BBS1: variants seen among roughly 807,000 people sequenced by gnomAD.
BBS1 encodes Bardet-Biedl syndrome 1.
BBS1 carries 60 observed loss-of-function variants against 73.9 expected under a neutral mutation model. That is an observed-to-expected ratio of 0.81 (90% confidence interval 0.66 to 1.01). The LOEUF (loss-of-function observed/expected upper bound fraction) is 1.01. Ranked by LOEUF, BBS1 falls within the 50% of genes least tolerant of loss-of-function variation. The pLI, the probability that BBS1 is intolerant of heterozygous loss-of-function variation, is 0.00. For missense variants in BBS1, 718 were observed against 770.3 expected (o/e 0.93, Z 0.80); for synonymous variants, 283 against 317.4 (o/e 0.89, Z 1.15).
rs1321287871 is a variant in BBS1 at position 66,532,949 on chromosome 11, G to C, written c.*912G>C. ...CTTCTACATCCTGGAGCCCAAATCAGTCATGTGGGTGGGAAGTTCCCAGGG... is the reference window on the plus strand; with the variant it reads ...CTTCTACATCCTGGAGCCCAAATCACTCATGTGGGTGGGAAGTTCCCAGGG... On this transcript the variant is annotated 3_prime_UTR_variant, in exon 17 of 17. Transcript: ENST00000318312. The C allele has an allele frequency of 6.6e-6, 1 of 152,254 alleles. No individual in the cohort carries two copies. The highest frequency in any genetic ancestry group is 1.5e-5 in the Non-Finnish European group (1 of 68,054). 9.4% of individuals were successfully genotyped at this position (152,254 alleles called of 1,614,324 possible). A position where few individuals can be genotyped will look rare whatever the true frequency, so the allele number is the denominator to read the frequency against.
chr11:66,526,742 T>G lies in BBS1; in HGVS notation c.1274T>G (p.Leu425Arg), dbSNP rs1856521119. The change falls in exon 13 of 17, where the codon CTC becomes CGC. Residue 425 changes from leucine to arginine, a missense_variant. Physicochemically the swap from Leu to Arg is moderately radical, Grantham distance 102. Coordinates refer to ENST00000318312, the MANE Select transcript of BBS1 (RefSeq NM_024649.5). ...VGPPPAQAMK[L>R]NVPRKTRLYV... is the part of the protein sequence containing the mutation. ...CCCCCACCAGCCCAGGCCATGAAAC[T>G]CAATGTGCCCCGAAAGACCCGGCTT... is the stretch of plus-strand genomic sequence containing the variant. 3 of 1,614,038 alleles carry G rather than the reference T, an allele frequency of 1.9e-6. No homozygotes were observed. The highest frequency in any genetic ancestry group is 2.5e-6 in the Non-Finnish European group (3 of 1,180,024).
chr11:66,526,946 C>G, intron 13 of BBS1, 139 bp downstream of exon 13: 1 of 1,581,784 alleles, frequency 6.3e-7, no homozygotes, highest in Non-Finnish European at 8.6e-7. Flanking sequence ...CTCTGCAAAT[C>G]CAGGGACAGC....
chr11:66,529,751 G>GC, intron 13 of BBS1, 68 bp from the exon 14 acceptor site: 1 of 1,584,478 alleles, frequency 6.3e-7, no homozygotes, highest in Non-Finnish European at 8.6e-7. Context: ...GAGCAGGAGT[G>GC]CCCCGTTGCT....
At position 66,521,258 on chromosome 11, in the gene BBS1, T is replaced by G. The variant is rs1011920863; in HGVS notation, c.724-12T>G. On this transcript the variant is annotated splice_polypyrimidine_tract_variant and intron_variant, in intron 8 of 16. Coordinates refer to ENST00000318312, the MANE Select transcript of BBS1 (RefSeq NM_024649.5). ...CCAGAGAAATTGGAGTGTTTGCGCTTCTTGTTTGCAGATGAGCCTTCCCAG... is the reference window on the plus strand; with the variant it reads ...CCAGAGAAATTGGAGTGTTTGCGCTGCTTGTTTGCAGATGAGCCTTCCCAG... 6.2e-7 allele frequency: 1 copy of G among 1,610,078 alleles called. No individual in the cohort carries two copies. Among genetic ancestry groups the G allele is most frequent in the East Asian group, 2.2e-5 (1 of 44,878 alleles).
At chr11:66,512,400 T>C (rs1016783511) in intron 3 of BBS1, among the ~76,000 whole-genome samples, 11 of 152,094 alleles carry the variant, frequency 7.2e-5, no homozygotes, top group Non-Finnish European at 1.2e-4. Context: ...TAGAAGATAG[T>C]CCTGGAATCC....
At chr11:66,511,425 A>G (rs763182339) in intron 3 of BBS1, among the ~76,000 whole-genome samples, 186 bp downstream of exon 3, 5 of 152,214 alleles carry the variant, frequency 3.3e-5, no homozygotes, top group Non-Finnish European at 7.3e-5. Context: ...CATAATACAG[A>G]CTGCAGAAAG....
At chr11:66,515,960 C>A in intron 7 of BBS1, 27 bp downstream of exon 7, 1 of 1,612,004 alleles carries the variant, frequency 6.2e-7, no homozygotes, top group Non-Finnish European at 8.5e-7. Flanking sequence ...TTTTTATTTC[C>A]CTGTAAAAAA....
intron 5 of BBS1, 32 bp from the exon 6 acceptor site, chr11:66,515,661 T>C (rs1271276555): frequency 1.2e-6 from 2 of 1,614,194 alleles, no homozygotes; most frequent in Admixed American, 3.3e-5. Context: ...CATTCTTCCA[T>C]TCGGCTGCCA....
chr11:66,521,416 T>G, intron 9 of BBS1, 40 bp downstream of exon 9: 3 of 1,523,436 alleles, frequency 2.0e-6, no homozygotes, highest in Non-Finnish European at 2.7e-6. Flanking sequence ...GAGGAACATC[T>G]CAGAAAACTG....
At chr11:66,530,676 G>A (rs959653716) in intron 14 of BBS1, among the ~76,000 whole-genome samples, 1 of 152,198 alleles carries the variant, frequency 6.6e-6, no homozygotes, top group Non-Finnish European at 1.5e-5. Context: ...TCCCAGGCCA[G>A]CTCTGCCTCT....
At chr11:66,529,118 C>A in intron 13 of BBS1, 2 of 980,290 alleles carry the variant, frequency 2.0e-6, no homozygotes, top group Non-Finnish European at 2.4e-6. Context: ...GAAGCCACTT[C>A]ACACATAAAC....
chr11:66,531,437 G>C (rs540586826), intron 15 of BBS1, among the ~76,000 whole-genome samples: 65 of 152,288 alleles, frequency 4.3e-4, no homozygotes, highest in African/African-American at 1.3e-3. Flanking sequence ...AACAGCCCCA[G>C]ACTTGGTGGG....
intron 3 of BBS1, 109 bp downstream of exon 3, chr11:66,511,348 C>A: frequency 1.5e-6 from 2 of 1,331,602 alleles, no homozygotes; most frequent in South Asian, 1.3e-5. Flanking sequence ...TTCACATATA[C>A]TGTGAAAAAG....
intron 3 of BBS1, among the ~76,000 whole-genome samples, chr11:66,511,538 T>C (rs1855948101): frequency 6.6e-6 from 1 of 152,078 alleles, no homozygotes; most frequent in Non-Finnish European, 1.5e-5. Flanking sequence ...GGGTGGGCAC[T>C]AGAATCTGGA....
chr11:66,517,341 C>T (rs112609015), intron 7 of BBS1, among the ~76,000 whole-genome samples: 1,767 of 152,046 alleles, frequency 0.012, 34 homozygotes, highest in South Asian at 0.089. Context: ...ACTGTAGAAA[C>T]GATAGGCATC....
chr11:66,520,969 T>G (rs1856190595), intron 8 of BBS1: 1 of 417,536 alleles, frequency 2.4e-6, no homozygotes, highest in South Asian at 2.1e-5. Flanking sequence ...TCCACCCGCC[T>G]CAGCCTCTCA....
At chr11:66,515,807 T>G (rs1299602135) in intron 6 of BBS1, 54 bp from the exon 7 acceptor site, 2 of 1,613,890 alleles carry the variant, frequency 1.2e-6, no homozygotes, top group Non-Finnish European at 1.7e-6. Flanking sequence ...GCCAGAATGA[T>G]GGAGGAGGGC....
intron 10 of BBS1, 53 bp downstream of exon 10, chr11:66,523,629 C>G: frequency 6.2e-7 from 1 of 1,613,048 alleles, no homozygotes. Context: ...CTAGCCCCCA[C>G]TTGGCAAGAG....
chr11:66,511,281 G>T (rs373705671), intron 3 of BBS1, 42 bp downstream of exon 3: 4 of 1,606,154 alleles, frequency 2.5e-6, no homozygotes, highest in African/African-American at 1.3e-5. Flanking sequence ...GGGTAGGGGG[G>T]TGTACCCAGA....
Sources: gnomAD v4.1 joint callset for allele counts (sites outside exome capture counted in the v4.1 genomes callset) on GRCh38, gnomAD v4.1.1 for gene constraint, MANE v1.5 for transcripts, NCBI Gene and HGNC (gene_info 2026-07-23, HGNC 2026-07-21) for gene names.